The following KLHL32 variants were observed in gnomAD, a reference collection of about 807,000 sequenced individuals.
KLHL32 encodes the protein kelch-like protein 32.
In KLHL32, 35 loss-of-function variants were observed where a neutral mutation model predicts 64.8. The observed-to-expected ratio is 0.54, with a 90% confidence interval of 0.41 to 0.72. The LOEUF is 0.72. Ranked by LOEUF, KLHL32 falls within the 30% of genes least tolerant of loss-of-function variation. KLHL32 has a pLI of 0.00. For missense variants in KLHL32, 589 were observed against 768.5 expected (o/e 0.77, Z 2.76); for synonymous variants, 259 against 281.0 (o/e 0.92, Z 0.78).
At chr6:97,047,567 G>A (rs1786126047) in intron 4 of KLHL32, among the ~76,000 whole-genome samples, 1 of 152,208 alleles carries the variant, frequency 6.6e-6, no homozygotes, top group African/African-American at 2.4e-5. Flanking sequence ...GGGCAAGAGG[G>A]CCCATCCTGT....
In KLHL32 at chr6:97,126,106, A is replaced by G. The variant is rs1798848181; in HGVS notation, c.1355-1298A>G. Among the ~76,000 whole-genome samples the G allele has an allele frequency of 1.3e-5, 2 of 152,202 alleles. 1 individual carries two copies. The highest frequency in any genetic ancestry group is 2.9e-5 in the Non-Finnish European group (2 of 68,046). ...TTAACAGTGTTTGTTTTTTAAATTC[A>G]AAAAATTCTAGTAGGAAACTTTTTT... On this transcript the variant is annotated intron_variant, in intron 7 of 10. Coordinates refer to ENST00000369261, the MANE Select transcript of KLHL32 (RefSeq NM_052904.4).
chr6:96,953,249 C>T lies in KLHL32; in HGVS notation c.-65-13747C>T, dbSNP rs776315873. Among the ~76,000 whole-genome samples the T allele has an allele frequency of 3.9e-5, 6 of 152,142 alleles. No individual in the cohort carries two copies. In the East Asian group the frequency reaches 5.8e-4, roughly 15 times the overall value. ...TGTATGTGAGAACTTACTTTATTTA[C>T]GTCCATATTTCTCAGTAACATGCTT... On this transcript the variant is annotated intron_variant, in intron 1 of 10. Coordinates refer to ENST00000369261, the MANE Select transcript of KLHL32 (RefSeq NM_052904.4).
At chr6:97,077,284 A>G (rs1791746208) in intron 5 of KLHL32, among the ~76,000 whole-genome samples, 1 of 152,200 alleles carries the variant, frequency 6.6e-6, no homozygotes, top group Non-Finnish European at 1.5e-5. Flanking sequence ...ACTGAAGCAA[A>G]CGATGTCTTT....
At chr6:97,017,190 A>G (rs2128100195) in intron 3 of KLHL32, among the ~76,000 whole-genome samples, 1 of 152,346 alleles carries the variant, frequency 6.6e-6, no homozygotes, top group South Asian at 2.1e-4. Context: ...AAAAAGAAAA[A>G]AAATCCTGGA....
intron 7 of KLHL32, among the ~76,000 whole-genome samples, 184 bp from the exon 8 acceptor site, chr6:97,127,220 A>G (rs577963059): frequency 1.3e-5 from 2 of 152,340 alleles, no homozygotes; most frequent in South Asian, 4.1e-4. Flanking sequence ...TTGCTTCTGA[A>G]ATGTTTCTTG....
chr6:97,135,081 AT>A (rs1224132685), intron 10 of KLHL32, among the ~76,000 whole-genome samples: 1 of 152,038 alleles, frequency 6.6e-6, no homozygotes, highest in African/African-American at 2.4e-5. Flanking sequence ...GGATTCAATT[AT>A]TTTTTTAAGT....
At chr6:97,043,715 A>G (rs1785478968) in intron 4 of KLHL32, among the ~76,000 whole-genome samples, 1 of 150,328 alleles carries the variant, frequency 6.7e-6, no homozygotes, top group Admixed American at 6.6e-5. Flanking sequence ...ACCCTCATCA[A>G]TACTTGTTAT....
At position 97,121,456 on chromosome 6, in the gene KLHL32, G is replaced by T. The variant is rs76479719; in HGVS notation, c.1355-5948G>T. ...TGTCCATTCTTCTCAGGGGTGAGAA[G>T]AGACACATAATGTCTTTCTGCGATT... On this transcript the variant is annotated intron_variant, in intron 7 of 10. Coordinates refer to ENST00000369261, the MANE Select transcript of KLHL32 (RefSeq NM_052904.4). Among the ~76,000 whole-genome samples the T allele has an allele frequency of 4.3e-3, 662 of 152,266 alleles. 10 individuals are homozygous for T. The highest frequency in any genetic ancestry group is 0.015 in the African/African-American group (630 of 41,564).
At chr6:97,011,882 A>C (rs1780452836) in intron 3 of KLHL32, among the ~76,000 whole-genome samples, 2 of 152,168 alleles carry the variant, frequency 1.3e-5, no homozygotes, top group Non-Finnish European at 2.9e-5. Flanking sequence ...ATCTTTCTTT[A>C]TTTGTTTGCT....
intron 6 of KLHL32, among the ~76,000 whole-genome samples, chr6:97,093,794 C>T (rs569814847): frequency 6.6e-5 from 10 of 152,116 alleles, no homozygotes; most frequent in East Asian, 5.8e-4. Flanking sequence ...TCAAAGTACA[C>T]GATGGTGTAG....
At chr6:96,971,913 C>T (rs1246125163) in intron 2 of KLHL32, among the ~76,000 whole-genome samples, 1 of 152,202 alleles carries the variant, frequency 6.6e-6, no homozygotes, top group African/African-American at 2.4e-5. Context: ...AGTGCAGTGG[C>T]GTGATCTCGG....
chr6:96,929,988 A>C (rs912090267), intron 1 of KLHL32, among the ~76,000 whole-genome samples: 3 of 152,174 alleles, frequency 2.0e-5, no homozygotes, highest in African/African-American at 7.2e-5. Flanking sequence ...ATTTTCCTAC[A>C]TGTTTATTTG....
chr6:96,919,519 T>C, the KLHL32 span, among the ~76,000 whole-genome samples: 2 of 152,240 alleles, frequency 1.3e-5, no homozygotes, highest in Admixed American at 1.3e-4. Context: ...CAGGTTTATA[T>C]ATGGGTGAAG....
chr6:96,981,008 G>T lies in KLHL32; in HGVS notation c.204+4831G>T, dbSNP rs549680273. On this transcript the variant is annotated intron_variant, in intron 3 of 10. Transcript: ENST00000369261. ...GAAGTGCAGAGCAAAGTGGTGGGGC[G>T]GGGGGGCAGGCGGGGGAAAAGCCCC... Among the ~76,000 whole-genome samples the T allele has an allele frequency of 2.6e-5, 4 of 151,100 alleles. No homozygotes were observed. The East Asian group carries it at 5.8e-4, about 22-fold the overall frequency.
At chr6:97,106,407 G>C (rs925583527) in intron 6 of KLHL32, among the ~76,000 whole-genome samples, 15 of 151,760 alleles carry the variant, frequency 9.9e-5, no homozygotes, top group Non-Finnish European at 1.9e-4. Flanking sequence ...TATATTTTTG[G>C]GTCAAATTTA....
At chr6:97,018,878 C>G (rs1246911515) in intron 3 of KLHL32, among the ~76,000 whole-genome samples, 1 of 152,166 alleles carries the variant, frequency 6.6e-6, no homozygotes, top group Non-Finnish European at 1.5e-5. Flanking sequence ...TTAACAAATT[C>G]TCAATCAGTT....
intron 2 of KLHL32, among the ~76,000 whole-genome samples, chr6:96,970,389 G>A (rs972266450): frequency 1.3e-5 from 2 of 152,166 alleles, no homozygotes; most frequent in Non-Finnish European, 2.9e-5. Context: ...CTCTATAAGG[G>A]CCATGCTCCC....
At chr6:97,124,705 T>C (rs1206166) in intron 7 of KLHL32, among the ~76,000 whole-genome samples, 85,731 of 151,976 alleles carry the variant, frequency 0.56, 25,579 homozygotes, top group African/African-American at 0.77. Flanking sequence ...TTGCCCTCGG[T>C]TCCATTTCAG....
At chr6:96,900,540 A>G in the KLHL32 span, among the ~76,000 whole-genome samples, 1 of 152,240 alleles carries the variant, frequency 6.6e-6, no homozygotes, top group Non-Finnish European at 1.5e-5. Context: ...GGTGGGAATC[A>G]TTAGTTCTCG....
Sources: allele counts gnomAD v4.1 joint callset (sites outside exome capture counted in the v4.1 genomes callset), GRCh38; gene constraint gnomAD v4.1.1; transcripts MANE v1.5; gene names NCBI Gene and HGNC (gene_info 2026-07-23, HGNC 2026-07-21).